Variants in OR52N2 observed in about 807,000 individuals in gnomAD.
The protein encoded by OR52N2 is olfactory receptor 52N2.
For synonymous variants in OR52N2, 129 were observed against 72.0 expected, an observed-to-expected ratio of 1.79 and a Z score of -4.01; for missense variants, 326 against 196.6, an observed-to-expected ratio of 1.66 and a Z score of -3.94.
intron 1 of OR52N2, among the ~76,000 whole-genome samples, chr11:5,814,416 A>C (rs1194951347): frequency 3.3e-5 from 5 of 152,012 alleles, no homozygotes; most frequent in Non-Finnish European, 5.9e-5. Flanking sequence ...AATAAAATAC[A>C]TAAGAAAATA....
chr11:5,816,977 A>T (rs79789884), intron 1 of OR52N2, among the ~76,000 whole-genome samples: 9,435 of 152,268 alleles, frequency 0.062, 344 homozygotes, highest in African/African-American at 0.09. Context: ...CTATTGTTTT[A>T]TAAACACAAC....
In OR52N2 at chr11:5,821,145, T is replaced by C. The variant is rs1376851616; in HGVS notation, c.810T>C (p.Asn270=). 2 of 780,900 alleles carry C rather than the reference T, an allele frequency of 2.6e-6. No homozygotes were observed. Among genetic ancestry groups the C allele is most frequent in the African/African-American group, 3.4e-5 (2 of 59,134 alleles). The allele number at this position is 780,900 out of a possible 1,614,324, so 48.4% of individuals were successfully genotyped here. The part of the protein sequence containing the change: ...TFFTHRFVGH[N]IPNHIHIIVA... ...TCACTCATCGTTTTGTAGGACACAATATCCCAAACCACATACACATCATCG... is the reference window on the plus strand; with the variant it reads ...TCACTCATCGTTTTGTAGGACACAACATCCCAAACCACATACACATCATCG... The change falls in exon 2 of 2, where the codon AAT becomes AAC. Residue 270 remains asparagine (N), a synonymous_variant. Transcript: ENST00000317037.
chr11:5,816,545 C>CTTTTTTTTTTTTTTTTTTTTT lies in OR52N2; in HGVS notation c.-54-3735_-54-3734insTTTTTTTTTTTTTTTTTTTTT, dbSNP rs1464421774. Among the ~76,000 whole-genome samples, 428 of 150,486 alleles carry CTTTTTTTTTTTTTTTTTTTTT rather than the reference C, an allele frequency of 2.8e-3. 4 individuals carry two copies. Among genetic ancestry groups the CTTTTTTTTTTTTTTTTTTTTT allele is most frequent in the Non-Finnish European group, 4.1e-3 (279 of 67,460 alleles). On this transcript the variant is annotated intron_variant, in intron 1 of 1. Transcript: ENST00000317037. ...CCAATTTAGGAAGCCTGATCTAAAT[C>CTTTTTTTTTTTTTTTTTTTTT]TTCTTTTTTTGAGAGACACGGTCTC...
At position 5,820,982 on chromosome 11, in the gene OR52N2, T is replaced by C; in HGVS notation, c.647T>C (p.Ile216Thr). The change falls in exon 2 of 2, where the codon ATC becomes ACC. Residue 216 changes from isoleucine (I) to threonine (T), a missense_variant. Transcript: ENST00000317037. ...ATTGGTGTGTTTGATATCTGCTGTA[T>C]CTCTGTATCTTACACTATGATTTTG... ...LLIGVFDICC[I>T]SVSYTMILQA... The C allele has an allele frequency of 2.6e-6, 2 of 781,110 alleles. No individual in the cohort carries two copies. Among genetic ancestry groups the C allele is most frequent in the South Asian group, 2.7e-5 (2 of 74,628 alleles). The allele number at this position is 781,110 out of a possible 1,614,324, so 48.4% of individuals were successfully genotyped here. A position where few individuals can be genotyped will look rare whatever the true frequency, so the allele number is the denominator to read the frequency against.
At chr11:5,812,471 T>C (rs35203306) in intron 1 of OR52N2, among the ~76,000 whole-genome samples, 15,461 of 127,698 alleles carry the variant, frequency 0.12, 1,067 homozygotes, top group East Asian at 0.26. Flanking sequence ...CTCCAGCCTG[T>C]GTGACAGAGC....
chr11:5,812,041 G>C (rs1406706407), intron 1 of OR52N2, among the ~76,000 whole-genome samples: 1 of 152,144 alleles, frequency 6.6e-6, no homozygotes. Flanking sequence ...CATGGACATA[G>C]AGAGGGAAAC....
rs532466541 is a variant in OR52N2 at position 5,818,959 on chromosome 11, CAT to C, written c.-54-1322_-54-1321del. On this transcript the variant is annotated intron_variant, in intron 1 of 1. Coordinates refer to ENST00000317037, the MANE Select transcript of OR52N2 (RefSeq NM_001005174.3). ...ATTCAGAGATCACGAGCTTCTGAAACATGTGGTTGCTTTACATTTCCCTCCAT... is the reference window on the plus strand; with the variant it reads ...ATTCAGAGATCACGAGCTTCTGAAACGTGGTTGCTTTACATTTCCCTCCAT... Among the ~76,000 whole-genome samples, 348 of 152,276 alleles carry C rather than the reference CAT, an allele frequency of 2.3e-3. 2 individuals are homozygous for C. Among genetic ancestry groups the C allele is most frequent in the African/African-American group, 7.1e-3 (296 of 41,558 alleles).
rs1846329997 is a variant in OR52N2 at position 5,808,943 on chromosome 11, G to A, written c.-166G>A. 6.6e-6 allele frequency among the ~76,000 whole-genome samples: 1 copy of A among 151,980 alleles called. No homozygotes were observed. ...TTACCTGGTCACCGCGGTATTGCAA[G>A]CCTCTCCTCCTCGCGTTGCTGAGAG... On this transcript the variant is annotated 5_prime_UTR_variant, in exon 1 of 2. Transcript: ENST00000317037.
At chr11:5,811,453 G>A (rs1450987377) in intron 1 of OR52N2, among the ~76,000 whole-genome samples, 3 of 152,132 alleles carry the variant, frequency 2.0e-5, no homozygotes, top group African/African-American at 7.2e-5. Context: ...GAGTTGAGTA[G>A]AAGTATGGAA....
chr11:5,818,634 T>TC (rs1011699112), intron 1 of OR52N2, among the ~76,000 whole-genome samples: 4 of 151,256 alleles, frequency 2.6e-5, no homozygotes, highest in African/African-American at 9.7e-5. Flanking sequence ...CTGAAACAGT[T>TC]TTAAAAAGTA....
chr11:5,819,736 G>A (rs1003204331), intron 1 of OR52N2, among the ~76,000 whole-genome samples: 1 of 152,092 alleles, frequency 6.6e-6, no homozygotes, highest in African/African-American at 2.4e-5. Context: ...ATTATCTTGA[G>A]TAAGTTATGT....
intron 1 of OR52N2, among the ~76,000 whole-genome samples, chr11:5,817,024 G>T (rs1203244356): frequency 1.3e-5 from 2 of 152,078 alleles, no homozygotes; most frequent in Non-Finnish European, 2.9e-5. Context: ...TGTTTCCAAG[G>T]AGTCGCAGGA....
chr11:5,814,960 T>C (rs1424302136), intron 1 of OR52N2, among the ~76,000 whole-genome samples: 2 of 152,176 alleles, frequency 1.3e-5, no homozygotes, highest in African/African-American at 2.4e-5. Context: ...GTCAATATCA[T>C]TCAATGTTGA....
chr11:5,810,315 G>C (rs1000872282), intron 1 of OR52N2, among the ~76,000 whole-genome samples: 1 of 152,160 alleles, frequency 6.6e-6, no homozygotes, highest in South Asian at 2.1e-4. Context: ...CATTTTCCCA[G>C]ATGTATATCA....
chr11:5,815,454 G>C (rs192033930), intron 1 of OR52N2, among the ~76,000 whole-genome samples: 336 of 152,010 alleles, frequency 2.2e-3, no homozygotes, highest in Non-Finnish European at 4.2e-3. Flanking sequence ...ATATACAAAT[G>C]GATAATAAAC....
At chr11:5,809,131 T>C (rs961695223) in intron 1 of OR52N2, among the ~76,000 whole-genome samples, 77 bp downstream of exon 1, 1 of 152,136 alleles carries the variant, frequency 6.6e-6, no homozygotes, top group African/African-American at 2.4e-5. Context: ...GGTGTAAAAA[T>C]GCTCTAGGAA....
intron 1 of OR52N2, among the ~76,000 whole-genome samples, 54 bp downstream of exon 1, chr11:5,809,108 C>T (rs1364397920): frequency 6.6e-6 from 1 of 152,124 alleles, no homozygotes; most frequent in Admixed American, 6.6e-5. Flanking sequence ...CAGATGAGCC[C>T]CCAGAGTTGT....
intron 1 of OR52N2, among the ~76,000 whole-genome samples, chr11:5,809,913 G>A (rs1481210364): frequency 1.3e-5 from 2 of 152,190 alleles, no homozygotes. Context: ...AGAAGATACT[G>A]TATTATGAGA....
intron 1 of OR52N2, among the ~76,000 whole-genome samples, chr11:5,814,451 T>A (rs930411015): frequency 4.6e-5 from 7 of 151,988 alleles, no homozygotes; most frequent in Non-Finnish European, 8.8e-5. Context: ...AAATTATATT[T>A]TATTTTTAAT....
Sources: gnomAD v4.1 joint callset for allele counts (sites outside exome capture counted in the v4.1 genomes callset) on GRCh38, gnomAD v4.1.1 for gene constraint, MANE v1.5 for transcripts, NCBI Gene and HGNC (gene_info 2026-07-23, HGNC 2026-07-21) for gene names.